The following SH3RF3 variants were observed in gnomAD, a reference collection of about 807,000 sequenced individuals.
The protein encoded by SH3RF3 is SH3 domain containing ring finger 3.
In SH3RF3, 29 loss-of-function variants were observed where a neutral mutation model predicts 66.3. That is an observed-to-expected ratio of 0.44 (90% confidence interval 0.33 to 0.60). The LOEUF (loss-of-function observed/expected upper bound fraction) is 0.60. SH3RF3 is among the 20% of genes least tolerant of loss of function. SH3RF3 has a pLI of 0.04. For synonymous variants in SH3RF3, 583 were observed against 532.0 expected, an observed-to-expected ratio of 1.10 and a Z score of -1.32; for missense variants, 1,194 against 1,190.9, an observed-to-expected ratio of 1.00 and a Z score of -0.04.
chr2:109,487,877 C>T (rs1210278203), intron 8 of SH3RF3, among the ~76,000 whole-genome samples: 2 of 152,196 alleles, frequency 1.3e-5, no homozygotes, highest in Non-Finnish European at 2.9e-5. Flanking sequence ...CCGTGCTAGG[C>T]GCTGGTGGGG....
intron 1 of SH3RF3, among the ~76,000 whole-genome samples, chr2:109,188,776 C>A (rs1678263702): frequency 6.6e-6 from 1 of 152,172 alleles, no homozygotes; most frequent in Admixed American, 6.5e-5. Context: ...CCAAGCGTTA[C>A]ACTTTGGTTA....
intron 1 of SH3RF3, among the ~76,000 whole-genome samples, chr2:109,316,126 A>G (rs1244694262): frequency 6.6e-6 from 1 of 152,226 alleles, no homozygotes; most frequent in Admixed American, 6.5e-5. Context: ...GCTTTCAAAA[A>G]GAGAGGGCAA....
chr2:109,148,030 C>T (rs1018255528), intron 1 of SH3RF3, among the ~76,000 whole-genome samples: 4 of 152,072 alleles, frequency 2.6e-5, no homozygotes, highest in African/African-American at 4.8e-5. Context: ...CAAGGTCAGT[C>T]GGGTGGTTTG....
intron 1 of SH3RF3, among the ~76,000 whole-genome samples, chr2:109,198,906 G>T (rs535327756): frequency 6.6e-6 from 1 of 152,176 alleles, no homozygotes; most frequent in East Asian, 1.9e-4. Flanking sequence ...AAATGTTTGC[G>T]TAGCTAAATG....
At chr2:109,335,160 G>T (rs1425156682) in intron 1 of SH3RF3, among the ~76,000 whole-genome samples, 1 of 152,208 alleles carries the variant, frequency 6.6e-6, no homozygotes, top group African/African-American at 2.4e-5. Flanking sequence ...CAGCATCCTG[G>T]GGTGTTACCT....
chr2:109,201,318 C>T (rs1678670243), intron 1 of SH3RF3, among the ~76,000 whole-genome samples: 1 of 152,230 alleles, frequency 6.6e-6, no homozygotes, highest in Non-Finnish European at 1.5e-5. Flanking sequence ...TCCCACAGGC[C>T]TCCCTGATCT....
At chr2:109,307,488 AT>A (rs750085956) in intron 1 of SH3RF3, among the ~76,000 whole-genome samples, 7 of 149,484 alleles carry the variant, frequency 4.7e-5, no homozygotes, top group Non-Finnish European at 1.0e-4. Context: ...TTAGTTACAT[AT>A]GTATACATGT....
At chr2:109,400,382 A>G (rs1188401835) in intron 4 of SH3RF3, among the ~76,000 whole-genome samples, 2 of 152,070 alleles carry the variant, frequency 1.3e-5, no homozygotes, top group African/African-American at 2.4e-5. Context: ...ACACCTACAC[A>G]TATACACATG....
At chr2:109,140,354 T>C (rs1347218094) in intron 1 of SH3RF3, among the ~76,000 whole-genome samples, 2 of 152,156 alleles carry the variant, frequency 1.3e-5, no homozygotes, top group Non-Finnish European at 2.9e-5. Context: ...ATGTTCTTTT[T>C]CTATTTTTCC....
At chr2:109,205,010 C>G (rs1046540954) in intron 1 of SH3RF3, among the ~76,000 whole-genome samples, 2 of 152,108 alleles carry the variant, frequency 1.3e-5, no homozygotes, top group Non-Finnish European at 2.9e-5. Context: ...GAGGTTGAGA[C>G]CGGCCTGGTC....
intron 3 of SH3RF3, among the ~76,000 whole-genome samples, chr2:109,374,007 C>T (rs993670432): frequency 3.3e-5 from 5 of 152,112 alleles, no homozygotes; most frequent in African/African-American, 4.8e-5. Context: ...GGGAGTCAGC[C>T]GCATCTGTGC....
intron 1 of SH3RF3, among the ~76,000 whole-genome samples, chr2:109,249,440 A>G (rs1010546138): frequency 6.6e-6 from 1 of 150,790 alleles, no homozygotes; most frequent in African/African-American, 2.4e-5. Flanking sequence ...TCCCTCCTGC[A>G]CCAGATCTCT....
At chr2:109,398,973 C>T (rs752070631) in intron 4 of SH3RF3, 30 bp downstream of exon 4, 1 of 1,582,822 alleles carries the variant, frequency 6.3e-7, no homozygotes, top group Non-Finnish European at 8.6e-7. Flanking sequence ...GGCAGGCATC[C>T]CTGGGTTCTC....
chr2:109,448,569 T>A (rs992015119), intron 7 of SH3RF3, among the ~76,000 whole-genome samples: 1 of 152,176 alleles, frequency 6.6e-6, no homozygotes, highest in African/African-American at 2.4e-5. Flanking sequence ...ACGCTCCTTA[T>A]GAGAATCTAA....
rs549801912 is a variant in SH3RF3, at chr2:109,129,641, G to A, written c.101G>A (p.Arg34Gln). Residue 34 changes from arginine to glutamine, a missense_variant, in exon 1 of 10, where the codon CGG becomes CAG. Arg to Gln is a conservative substitution (Grantham distance 43). Transcript: ENST00000309415. ...AGGCCAGGCGAGCGACGGCGGCGTC[G>A]GGCGGCGGCCACCGCCGCGGGGGCG... ...EDRPGERRRR[R>Q]AAATAAGAGE... 2.5e-5 allele frequency: 38 copies of A among 1,497,902 alleles called. No individual in the cohort carries two copies. The African/African-American group carries it at 4.1e-4, about 16-fold the overall frequency. The allele number at this position is 1,497,902 out of a possible 1,614,324, so 92.8% of individuals were successfully genotyped here. A position where few individuals can be genotyped will look rare whatever the true frequency, so the allele number is the denominator to read the frequency against.
chr2:109,257,363 AAGG>A (rs931181389), intron 1 of SH3RF3, among the ~76,000 whole-genome samples: 2 of 151,028 alleles, frequency 1.3e-5, no homozygotes, highest in African/African-American at 4.9e-5. Context: ...GGAATGAAAG[AAGG>A]AGAGGGAGGG....
chr2:109,376,710 C>T (rs1683393722), intron 3 of SH3RF3, among the ~76,000 whole-genome samples: 1 of 152,246 alleles, frequency 6.6e-6, no homozygotes, highest in Non-Finnish European at 1.5e-5. Flanking sequence ...CAGAAATTGG[C>T]TGCTCCCTGT....
chr2:109,371,085 C>A (rs1382703574), intron 2 of SH3RF3, among the ~76,000 whole-genome samples: 1 of 152,188 alleles, frequency 6.6e-6, no homozygotes, highest in Admixed American at 6.5e-5. Flanking sequence ...CAGCTATAAT[C>A]AATAGTGTCA....
chr2:109,477,304 G>A (rs538396395), intron 8 of SH3RF3, among the ~76,000 whole-genome samples: 2 of 152,260 alleles, frequency 1.3e-5, no homozygotes, highest in Admixed American at 6.5e-5. Flanking sequence ...CAGCCTTCAC[G>A]CCCAAAGACC....
Sources: gnomAD v4.1 joint callset for allele counts (sites outside exome capture counted in the v4.1 genomes callset) on GRCh38, gnomAD v4.1.1 for gene constraint, MANE v1.5 for transcripts, NCBI Gene and HGNC (gene_info 2026-07-23, HGNC 2026-07-21) for gene names.